Variants in HYCC1 observed in about 807,000 individuals in gnomAD.
The protein encoded by HYCC1 is hyccin.
the HYCC1 span, among the ~76,000 whole-genome samples, chr7:22,908,386 C>G: frequency 1.3e-5 from 2 of 152,156 alleles, no homozygotes; most frequent in South Asian, 2.1e-4. Context: ...AACACATGCT[C>G]TAATGTTCCA....
At chr7:23,008,618 T>C in the HYCC1 span, among the ~76,000 whole-genome samples, 1 of 151,966 alleles carries the variant, frequency 6.6e-6, no homozygotes, top group Non-Finnish European at 1.5e-5. Context: ...TTTAGTGAAA[T>C]ACATTAAAAA....
chr7:22,987,466 T>TGAACCCAGGAGGTGGAG, the HYCC1 span, among the ~76,000 whole-genome samples: 2 of 152,196 alleles, frequency 1.3e-5, no homozygotes, highest in Non-Finnish European at 2.9e-5. Flanking sequence ...GAGAATCACT[T>TGAACCCAGGAGGTGGAG]GAACCCAGGA....
the HYCC1 span, among the ~76,000 whole-genome samples, chr7:22,901,117 A>C: frequency 6.8e-6 from 1 of 146,634 alleles, no homozygotes; most frequent in Non-Finnish European, 1.5e-5. Flanking sequence ...GCTATTTGGA[A>C]GGCTGAGGTG....
the HYCC1 span, among the ~76,000 whole-genome samples, chr7:22,952,755 C>T: frequency 1.3e-5 from 2 of 151,902 alleles, no homozygotes; most frequent in Admixed American, 1.3e-4. Flanking sequence ...TGTGGCAATG[C>T]TTAACCTGGG....
chr7:22,961,781 T>C, the HYCC1 span, among the ~76,000 whole-genome samples: 1 of 152,166 alleles, frequency 6.6e-6, no homozygotes, highest in Non-Finnish European at 1.5e-5. Context: ...CACTTAGAAG[T>C]GTATTTGCTA....
the HYCC1 span, among the ~76,000 whole-genome samples, chr7:22,920,791 T>G: frequency 6.6e-6 from 1 of 152,326 alleles, no homozygotes; most frequent in Middle Eastern, 3.4e-3. Flanking sequence ...TGTTGAAATG[T>G]GATTCTCAAT....
At chr7:22,976,213 G>A in the HYCC1 span, 3 of 1,601,782 alleles carry the variant, frequency 1.9e-6, no homozygotes, top group South Asian at 1.1e-5. Flanking sequence ...ACTTTACCTT[G>A]AACAAATTTG....
chr7:22,951,285 T>C, the HYCC1 span, among the ~76,000 whole-genome samples: 51 of 152,044 alleles, frequency 3.4e-4, no homozygotes, highest in Admixed American at 1.7e-3. Flanking sequence ...CCATATTTAC[T>C]AAAGGTGAGA....
At chr7:22,909,442 T>C in the HYCC1 span, among the ~76,000 whole-genome samples, 1 of 152,176 alleles carries the variant, frequency 6.6e-6, no homozygotes, top group Non-Finnish European at 1.5e-5. Context: ...TTCTTATTAA[T>C]TACCCAGTCT....
chr7:22,972,949 A>G, the HYCC1 span, among the ~76,000 whole-genome samples: 9 of 152,226 alleles, frequency 5.9e-5, no homozygotes, highest in East Asian at 1.9e-4. Context: ...AAGATTAAAA[A>G]AAGACTGTAA....
the HYCC1 span, among the ~76,000 whole-genome samples, chr7:22,973,103 G>C: frequency 6.6e-6 from 1 of 152,118 alleles, no homozygotes; most frequent in African/African-American, 2.4e-5. Context: ...ACTATCACAT[G>C]GCAAACAGGA....
At chr7:22,927,517 C>G in the HYCC1 span, among the ~76,000 whole-genome samples, 1 of 152,124 alleles carries the variant, frequency 6.6e-6, no homozygotes, top group Non-Finnish European at 1.5e-5. Context: ...CCACCAATCC[C>G]ACAGAAATGC....
At chr7:22,959,874 C>T in the HYCC1 span, among the ~76,000 whole-genome samples, 1 of 152,136 alleles carries the variant, frequency 6.6e-6, no homozygotes, top group Admixed American at 6.5e-5. Context: ...AGTTGTTCTA[C>T]TTCAATATGT....
the HYCC1 span, chr7:22,961,362 T>C: frequency 8.9e-7 from 1 of 1,129,894 alleles, no homozygotes. Context: ...ATTATAATTA[T>C]TTATAACTGA....
chr7:22,986,107 G>C, the HYCC1 span, among the ~76,000 whole-genome samples: 2 of 151,674 alleles, frequency 1.3e-5, no homozygotes, highest in African/African-American at 4.8e-5. Flanking sequence ...TTATATACTA[G>C]CTGACCGTCA....
At chr7:22,938,266 AAAC>A in the HYCC1 span, 1 of 152,206 alleles carries the variant, frequency 6.6e-6, no homozygotes, top group Non-Finnish European at 1.5e-5. Flanking sequence ...CTTGTTTCTC[AAAC>A]AACAGTTGAC....
At chr7:23,010,656 A>G in the HYCC1 span, among the ~76,000 whole-genome samples, 1 of 152,178 alleles carries the variant, frequency 6.6e-6, no homozygotes, top group Non-Finnish European at 1.5e-5. Flanking sequence ...ACTATATGTC[A>G]ATTACACTTC....
chr7:22,920,605 CAAGA>C, the HYCC1 span, among the ~76,000 whole-genome samples: 187 of 152,108 alleles, frequency 1.2e-3, no homozygotes, highest in East Asian at 5.0e-3. Flanking sequence ...AGATATTTTA[CAAGA>C]AAGACCAAAG....
the HYCC1 span, among the ~76,000 whole-genome samples, chr7:22,963,560 C>A: frequency 6.6e-6 from 1 of 152,164 alleles, no homozygotes; most frequent in East Asian, 1.9e-4. Context: ...CATCCAAGAA[C>A]TGTGGGACAA....
Sources: allele counts gnomAD v4.1 joint callset (sites outside exome capture counted in the v4.1 genomes callset), GRCh38; gene constraint gnomAD v4.1.1; transcripts MANE v1.5; gene names NCBI Gene and HGNC (gene_info 2026-07-23, HGNC 2026-07-21).